The following CNTNAP2 variants were observed in gnomAD, a reference collection of about 807,000 sequenced individuals.
The protein encoded by CNTNAP2 is contactin associated protein 2, also known as contactin-associated protein-like 2.
A neutral mutation model predicts 155.2 loss-of-function variants in CNTNAP2; 98 were observed. The ratio of observed to expected loss-of-function variants is 0.63; its 90% CI spans 0.54 to 0.75. The LOEUF (loss-of-function observed/expected upper bound fraction) is 0.75, where lower values mean the gene tolerates loss of function less well. Ranked by LOEUF, CNTNAP2 falls within the 30% of genes least tolerant of loss-of-function variation. CNTNAP2 has a pLI of 0.00. For synonymous variants in CNTNAP2, 651 were observed against 631.2 expected (o/e 1.03, Z -0.47); for missense variants, 1,727 against 1,688.1 (o/e 1.02, Z -0.40).
chr7:146,249,693 G>A (rs886740080), intron 1 of CNTNAP2, among the ~76,000 whole-genome samples: 1 of 152,068 alleles, frequency 6.6e-6, no homozygotes, highest in Non-Finnish European at 1.5e-5. Context: ...TTGAAAACTT[G>A]TCAGAATGCT....
At chr7:147,579,651 A>G (rs1800461612) in intron 12 of CNTNAP2, among the ~76,000 whole-genome samples, 1 of 152,142 alleles carries the variant, frequency 6.6e-6, no homozygotes, top group Admixed American at 6.5e-5. Flanking sequence ...CCACCTATTT[A>G]ATTATTTAAT....
intron 1 of CNTNAP2, among the ~76,000 whole-genome samples, chr7:146,145,990 A>C (rs1408313400): frequency 6.6e-6 from 1 of 152,180 alleles, no homozygotes; most frequent in Admixed American, 6.6e-5. Flanking sequence ...AACAAAATAG[A>C]AATACAATAA....
intron 1 of CNTNAP2, among the ~76,000 whole-genome samples, chr7:146,349,246 T>G (rs1794875201): frequency 6.8e-6 from 1 of 147,910 alleles, no homozygotes; most frequent in Non-Finnish European, 1.5e-5. Flanking sequence ...AGGATGTGGG[T>G]GGGGAACGAG....
rs756546959 is a variant in CNTNAP2 at position 146,506,438 on chromosome 7, C to T, written c.98-267833C>T. ...TTGACCTATTCCATTAGTTTACTCC[C>T]GACGTGGCCCAATTTCTGCTGCAGC... On this transcript the variant is annotated intron_variant, in intron 1 of 23. Transcript: ENST00000361727. Among the ~76,000 whole-genome samples, 9 of 152,346 alleles carry T rather than the reference C, an allele frequency of 5.9e-5. No homozygotes were observed. The East Asian group carries it at 9.7e-4, about 16-fold the overall frequency.
intron 13 of CNTNAP2, among the ~76,000 whole-genome samples, chr7:147,776,801 T>C (rs1452102932): frequency 6.6e-6 from 1 of 152,082 alleles, no homozygotes; most frequent in Non-Finnish European, 1.5e-5. Context: ...CCTTTTTTTC[T>C]TGGTGGTTTC....
chr7:147,752,810 C>T (rs945438218), intron 13 of CNTNAP2, among the ~76,000 whole-genome samples: 1 of 152,068 alleles, frequency 6.6e-6, no homozygotes, highest in African/African-American at 2.4e-5. Flanking sequence ...GTTTAAATGC[C>T]ACATTATTTT....
intron 10 of CNTNAP2, among the ~76,000 whole-genome samples, chr7:147,452,699 A>AAT (rs970663861): frequency 2.6e-5 from 4 of 152,284 alleles, no homozygotes; most frequent in Non-Finnish European, 4.4e-5. Flanking sequence ...GGTGTAACCT[A>AAT]ATATATATAT....
chr7:147,628,144 T>A (rs1030087770), intron 12 of CNTNAP2, among the ~76,000 whole-genome samples: 2 of 152,118 alleles, frequency 1.3e-5, no homozygotes, highest in Non-Finnish European at 2.9e-5. Context: ...ACCTGGGAAA[T>A]TCATTCCAAA....
intron 3 of CNTNAP2, among the ~76,000 whole-genome samples, chr7:146,977,595 T>G (rs1335566824): frequency 6.6e-6 from 1 of 152,170 alleles, no homozygotes; most frequent in Non-Finnish European, 1.5e-5. Context: ...GAACACATAA[T>G]CATGACAGGG....
intron 1 of CNTNAP2, among the ~76,000 whole-genome samples, chr7:146,579,387 T>C (rs1036093589): frequency 2.0e-5 from 3 of 152,112 alleles, no homozygotes; most frequent in South Asian, 2.1e-4. Context: ...GATGATAATA[T>C]AGACACCTAT....
chr7:146,302,146 A>C (rs906779490), intron 1 of CNTNAP2, among the ~76,000 whole-genome samples: 6 of 152,192 alleles, frequency 3.9e-5, no homozygotes, highest in Admixed American at 3.9e-4. Flanking sequence ...TCTGCAAAGC[A>C]AAAAGAAAGT....
chr7:147,573,975 C>A (rs925466852), intron 12 of CNTNAP2, among the ~76,000 whole-genome samples: 2 of 152,078 alleles, frequency 1.3e-5, no homozygotes, highest in Non-Finnish European at 2.9e-5. Context: ...TTCAAAACAA[C>A]GTGACTTGGA....
intron 16 of CNTNAP2, among the ~76,000 whole-genome samples, chr7:148,137,669 A>AAAGG (rs35867113): frequency 0.096 from 10,296 of 107,306 alleles, 1,020 homozygotes; most frequent in Middle Eastern, 0.12. Context: ...CTCAGAAAAA[A>AAAGG]AAGGAAGGAA....
intron 20 of CNTNAP2, among the ~76,000 whole-genome samples, chr7:148,231,735 A>G (rs1795965628): frequency 6.6e-6 from 1 of 152,118 alleles, no homozygotes; most frequent in Non-Finnish European, 1.5e-5. Flanking sequence ...ATCCCAGGGA[A>G]TCTCTGATAG....
intron 1 of CNTNAP2, among the ~76,000 whole-genome samples, chr7:146,691,595 T>A (rs1310407752): frequency 6.6e-6 from 1 of 152,078 alleles, no homozygotes; most frequent in East Asian, 1.9e-4. Context: ...AAGCTGAAAA[T>A]TTGTAAGGCA....
At chr7:146,468,238 T>C (rs1796743783) in intron 1 of CNTNAP2, among the ~76,000 whole-genome samples, 1 of 152,070 alleles carries the variant, frequency 6.6e-6, no homozygotes, top group Non-Finnish European at 1.5e-5. Flanking sequence ...GGTAAGAACA[T>C]GCATCATGGA....
chr7:148,364,818 C>T (rs1308908618), intron 21 of CNTNAP2, among the ~76,000 whole-genome samples: 1 of 152,214 alleles, frequency 6.6e-6, no homozygotes, highest in Non-Finnish European at 1.5e-5. Context: ...CGCTCGGGTC[C>T]TCTTCCACAC....
At chr7:147,901,586 C>G (rs985101288) in intron 13 of CNTNAP2, among the ~76,000 whole-genome samples, 1 of 152,168 alleles carries the variant, frequency 6.6e-6, no homozygotes, top group Non-Finnish European at 1.5e-5. Context: ...ACCTTTCTGT[C>G]TTTTTACATT....
intron 1 of CNTNAP2, among the ~76,000 whole-genome samples, chr7:146,381,398 C>T (rs1795387506): frequency 6.6e-6 from 1 of 152,076 alleles, no homozygotes. Flanking sequence ...ACCATGTATC[C>T]TAGAGAAAGA....
Sources: gnomAD v4.1 joint callset for allele counts (sites outside exome capture counted in the v4.1 genomes callset) on GRCh38, gnomAD v4.1.1 for gene constraint, MANE v1.5 for transcripts, NCBI Gene and HGNC (gene_info 2026-07-23, HGNC 2026-07-21) for gene names.